The following CDK13 variants were observed in gnomAD, a reference collection of about 807,000 sequenced individuals.
The protein encoded by CDK13 is cyclin-dependent kinase 13.
In CDK13, 40 loss-of-function variants were observed where a neutral mutation model predicts 137.6. The observed-to-expected ratio is 0.29, with a 90% CI of 0.23 to 0.38. The LOEUF (loss-of-function observed/expected upper bound fraction) is 0.38, where lower values mean the gene tolerates loss of function less well. CDK13 is among the 10% of genes least tolerant of loss of function. CDK13 has a pLI of 1.00. For synonymous variants in CDK13, 869 were observed against 760.1 expected (o/e 1.14, Z -2.36); for missense variants, 1,704 against 1,951.8 (o/e 0.87, Z 2.39).
At chr7:40,052,907 A>C (rs963516781) in intron 7 of CDK13, among the ~76,000 whole-genome samples, 1 of 152,162 alleles carries the variant, frequency 6.6e-6, no homozygotes, top group South Asian at 2.1e-4. Context: ...TGGGGATTCT[A>C]GGTAATGAAA....
intron 5 of CDK13, among the ~76,000 whole-genome samples, chr7:40,026,708 A>G (rs1174369903): frequency 6.6e-6 from 1 of 152,188 alleles, no homozygotes; most frequent in Non-Finnish European, 1.5e-5. Context: ...GATTAAGCAG[A>G]TTTCATAGAC....
intron 2 of CDK13, among the ~76,000 whole-genome samples, chr7:39,995,255 G>A (rs1420094916): frequency 1.3e-5 from 2 of 152,112 alleles, no homozygotes; most frequent in Non-Finnish European, 2.9e-5. Context: ...ATTTAATATA[G>A]ATAGTCTTTT....
chr7:40,094,003 A>G (rs1193544854), intron 13 of CDK13, 127 bp from the exon 14 acceptor site: 1 of 1,159,178 alleles, frequency 8.6e-7, no homozygotes. Flanking sequence ...TGCTTTTTTC[A>G]TTTAACATTT....
chr7:40,018,332 A>G (rs1785045895), intron 5 of CDK13, among the ~76,000 whole-genome samples: 1 of 152,158 alleles, frequency 6.6e-6, no homozygotes, highest in Non-Finnish European at 1.5e-5. Flanking sequence ...TGTTACTATT[A>G]TAATAATCAT....
intron 12 of CDK13, among the ~76,000 whole-genome samples, chr7:40,088,769 T>A (rs1786847886): frequency 6.6e-6 from 1 of 152,102 alleles, no homozygotes; most frequent in Non-Finnish European, 1.5e-5. Context: ...ATAATTTCTC[T>A]GGTTATATTA....
At position 40,092,857 on chromosome 7, in the gene CDK13, C is replaced by T. The variant is rs1467864201; in HGVS notation, c.3308C>T (p.Thr1103Ile). The T allele has an allele frequency of 1.1e-5, 17 of 1,614,128 alleles. No homozygotes were observed. Among genetic ancestry groups the T allele is most frequent in the Non-Finnish European group, 1.4e-5 (17 of 1,180,026 alleles). ...AILLNLLQSK[T>I]SVNMADFVQV... ...CTACTAAACCTACTACAATCTAAAACAAGTGTTAATATGGCTGATTTTGTC... is the reference window on the plus strand; with the variant it reads ...CTACTAAACCTACTACAATCTAAAATAAGTGTTAATATGGCTGATTTTGTC... The change falls in exon 13 of 14, where the codon ACA becomes ATA. Residue 1103 changes from threonine (T) to isoleucine (I), a missense_variant. Transcript: ENST00000181839.
chr7:39,965,044 G>C (rs1003125485), intron 1 of CDK13, among the ~76,000 whole-genome samples: 6 of 152,166 alleles, frequency 3.9e-5, no homozygotes, highest in South Asian at 4.1e-4. Context: ...TTACTTCCAA[G>C]TATGTGGTCA....
At chr7:39,999,537 G>C in intron 4 of CDK13, 37 bp downstream of exon 4, 4 of 1,547,308 alleles carry the variant, frequency 2.6e-6, no homozygotes, top group Non-Finnish European at 3.5e-6. Context: ...TTGGGCCTAC[G>C]GAATGTACTT....
chr7:40,005,961 T>C (rs1038275528), intron 5 of CDK13, among the ~76,000 whole-genome samples: 3 of 151,726 alleles, frequency 2.0e-5, no homozygotes, highest in African/African-American at 7.3e-5. Context: ...CCTGGCTCAA[T>C]TGATCCTCCT....
intron 9 of CDK13, chr7:40,071,522 G>C (rs568376040): frequency 6.6e-6 from 1 of 152,270 alleles, no homozygotes; most frequent in Admixed American, 6.5e-5. Context: ...TGTGTAATCT[G>C]AAACCATATG....
rs1425329031 is a variant in CDK13, at chr7:40,094,386, C to T, written c.3945C>T (p.Pro1315=). The part of the protein sequence containing the change: ...LLAQHQPQDD[P]KREGGIDYQA... ...CTCAGCATCAGCCCCAGGATGACCC[C>T]AAAAGAGAAGGTGGGATTGATTATC... The change falls in exon 14 of 14, where the codon CCC becomes CCT. Residue 1315 remains proline (P), a synonymous_variant. Coordinates refer to ENST00000181839, the MANE Select transcript of CDK13 (RefSeq NM_003718.5). 3 of 1,613,908 alleles carry T rather than the reference C, an allele frequency of 1.9e-6. No homozygotes were observed. Among genetic ancestry groups the T allele is most frequent in the East Asian group, 2.2e-5 (1 of 44,880 alleles).
chr7:40,031,919 T>C (rs1387194435), intron 5 of CDK13, among the ~76,000 whole-genome samples: 2 of 151,488 alleles, frequency 1.3e-5, no homozygotes, highest in East Asian at 1.9e-4. Flanking sequence ...ACTCCTGCCT[T>C]CAAGCTATCC....
In CDK13 at chr7:39,951,134, G is replaced by A. The variant is rs1043417769; in HGVS notation, c.493G>A (p.Ala165Thr). ...GCTGCTGCTGGGGGGGGCCAGCGCGGCAACGGCGGCGACGGCTGCCGGGGG... is the reference window on the plus strand; with the variant it reads ...GCTGCTGCTGGGGGGGGCCAGCGCGACAACGGCGGCGACGGCTGCCGGGGG... The part of the protein sequence containing the change: ...QGLLLGGASA[A>T]TAATAAGGTG... Residue 165 changes from alanine (A) to threonine (T), a missense_variant, in exon 1 of 14, where the codon GCA becomes ACA. Ala to Thr is a moderately conservative substitution (Grantham distance 58). Around this residue, in one of 5 missense-constraint regions of CDK13, gnomAD observed 1,051 missense variants for 931.0 expected, o/e 1.13. Coordinates refer to ENST00000181839, the MANE Select transcript of CDK13 (RefSeq NM_003718.5). 3 of 1,243,126 alleles carry A rather than the reference G, an allele frequency of 2.4e-6. No homozygotes were observed. Among genetic ancestry groups the A allele is most frequent in the African/African-American group, 1.6e-5 (1 of 64,382 alleles). 77.0% of individuals were successfully genotyped at this position (1,243,126 alleles called of 1,614,324 possible).
chr7:40,028,921 A>G (rs1785304028), intron 5 of CDK13, among the ~76,000 whole-genome samples: 1 of 151,994 alleles, frequency 6.6e-6, no homozygotes, highest in Non-Finnish European at 1.5e-5. Flanking sequence ...ACAGCTTAGT[A>G]TATATCATTG....
At chr7:39,965,689 G>T (rs537810702) in intron 1 of CDK13, among the ~76,000 whole-genome samples, 1 of 152,308 alleles carries the variant, frequency 6.6e-6, no homozygotes, top group African/African-American at 2.4e-5. Flanking sequence ...TTGCTCATTA[G>T]TTGATGCAGT....
intron 5 of CDK13, among the ~76,000 whole-genome samples, chr7:40,015,939 G>C (rs1046835853): frequency 2.6e-5 from 4 of 152,148 alleles, no homozygotes; most frequent in Non-Finnish European, 5.9e-5. Context: ...GATAATAAGG[G>C]AAATGCAAAG....
chr7:39,983,219 G>T (rs1784266747), intron 1 of CDK13, among the ~76,000 whole-genome samples: 1 of 152,186 alleles, frequency 6.6e-6, no homozygotes, highest in Non-Finnish European at 1.5e-5. Flanking sequence ...AAGGGATCCA[G>T]TTTCAGCTTT....
At chr7:40,043,239 A>G (rs779601337) in intron 5 of CDK13, among the ~76,000 whole-genome samples, 3 of 152,154 alleles carry the variant, frequency 2.0e-5, no homozygotes, top group Non-Finnish European at 4.4e-5. Context: ...TATTTTATCT[A>G]TTCTTTCTTC....
At chr7:39,999,907 A>G (rs995818848) in intron 4 of CDK13, among the ~76,000 whole-genome samples, 1 of 152,064 alleles carries the variant, frequency 6.6e-6, no homozygotes, top group Non-Finnish European at 1.5e-5. Flanking sequence ...TGCAGTAACT[A>G]TCCTTGGAGG....
Sources: gnomAD v4.1 joint callset for allele counts (sites outside exome capture counted in the v4.1 genomes callset) on GRCh38, gnomAD v4.1.1 for gene constraint, gnomAD v4.1.1 regional missense constraint, MANE v1.5 for transcripts, NCBI Gene and HGNC (gene_info 2026-07-23, HGNC 2026-07-21) for gene names.